Variants in GSE1 observed in about 807,000 individuals in gnomAD.
GSE1 encodes the protein Gse1 coiled-coil protein.
A neutral mutation model predicts 112.6 loss-of-function variants in GSE1; 32 were observed. That is an observed-to-expected ratio of 0.28 (90% confidence interval 0.21 to 0.38). The LOEUF (loss-of-function observed/expected upper bound fraction) is 0.38, where lower values mean the gene tolerates loss of function less well. GSE1 is among the 10% of genes least tolerant of loss of function. The pLI is 1.00. For missense variants in GSE1, 2,348 were observed against 1,699.2 expected (o/e 1.38, Z -6.71); for synonymous variants, 1,115 against 735.6 (o/e 1.52, Z -8.35).
intron 1 of GSE1, among the ~76,000 whole-genome samples, chr16:85,263,520 C>G (rs1194290719): frequency 1.3e-5 from 2 of 151,978 alleles, no homozygotes; most frequent in Non-Finnish European, 2.9e-5. Flanking sequence ...TGAATTTCTT[C>G]TACCTCGGGG....
At chr16:85,240,018 C>G (rs1351661564) in intron 1 of GSE1, among the ~76,000 whole-genome samples, 1 of 152,238 alleles carries the variant, frequency 6.6e-6, no homozygotes, top group African/African-American at 2.4e-5. Context: ...TAGAACAACC[C>G]TGGCTCAAGG....
At chr16:85,268,102 G>A (rs910224720) in intron 1 of GSE1, among the ~76,000 whole-genome samples, 16 of 152,224 alleles carry the variant, frequency 1.1e-4, no homozygotes, top group African/African-American at 3.6e-4. Flanking sequence ...ACTGCTGAGC[G>A]GTCTGCTGTG....
chr16:85,271,466 A>T (rs1216838412), intron 1 of GSE1, among the ~76,000 whole-genome samples: 1 of 152,200 alleles, frequency 6.6e-6, no homozygotes, highest in Non-Finnish European at 1.5e-5. Context: ...GGAAGTATGA[A>T]TGTGGTTCTT....
At chr16:85,236,558 GGA>G (rs1904688571) in intron 1 of GSE1, among the ~76,000 whole-genome samples, 1 of 152,166 alleles carries the variant, frequency 6.6e-6, no homozygotes, top group African/African-American at 2.4e-5. Context: ...CTCATGGTGT[GGA>G]GAGAGAACAG....
intron 1 of GSE1, among the ~76,000 whole-genome samples, chr16:85,224,763 G>A (rs1230011519): frequency 6.6e-6 from 1 of 151,962 alleles, no homozygotes; most frequent in African/African-American, 2.4e-5. Flanking sequence ...GCTGAGGTGG[G>A]CGGATCATGA....
At chr16:85,201,423 C>T (rs530323996) in intron 1 of GSE1, among the ~76,000 whole-genome samples, 9 of 151,542 alleles carry the variant, frequency 5.9e-5, no homozygotes, top group South Asian at 4.2e-4. Context: ...TTTGGGACGC[C>T]GAGGGCGGTG....
At chr16:85,335,399 G>C (rs901802121) in intron 1 of GSE1, among the ~76,000 whole-genome samples, 3 of 152,262 alleles carry the variant, frequency 2.0e-5, no homozygotes, top group Admixed American at 1.3e-4. Flanking sequence ...TAATCAGCAA[G>C]ACCTTTGATC....
At chr16:85,263,799 C>T (rs568277701) in intron 1 of GSE1, among the ~76,000 whole-genome samples, 2 of 152,336 alleles carry the variant, frequency 1.3e-5, no homozygotes, top group South Asian at 4.1e-4. Context: ...TCTGGAACTC[C>T]TGAGCTCAGG....
chr16:85,267,460 G>A (rs1408796460), intron 1 of GSE1, among the ~76,000 whole-genome samples: 2 of 152,124 alleles, frequency 1.3e-5, no homozygotes, highest in Non-Finnish European at 2.9e-5. Flanking sequence ...GGCAGTGACC[G>A]TGGGGGGTGG....
intron 2 of GSE1, among the ~76,000 whole-genome samples, chr16:85,474,529 G>T (rs917796737): frequency 7.9e-5 from 12 of 152,104 alleles, no homozygotes; most frequent in African/African-American, 2.9e-4. Context: ...TTAAACCCGG[G>T]TGCCTGTGCT....
At chr16:85,292,752 G>A (rs1379916804) in intron 1 of GSE1, among the ~76,000 whole-genome samples, 1 of 152,134 alleles carries the variant, frequency 6.6e-6, no homozygotes, top group African/African-American at 2.4e-5. Flanking sequence ...GAGCCACTGC[G>A]CCCGGCCAGA....
exon 1 of GSE1, chr16:85,169,901 G>A: frequency 1.0e-6 from 1 of 984,430 alleles, no homozygotes. Context: ...GCGGGCGCAG[G>A]CGGCCGCCGT....
intron 2 of GSE1, among the ~76,000 whole-genome samples, chr16:85,378,508 G>A (rs1393176486): frequency 6.6e-6 from 1 of 152,218 alleles, no homozygotes; most frequent in African/African-American, 2.4e-5. Context: ...GGGCCAGAGA[G>A]ACCCCAGGCT....
intron 2 of GSE1, among the ~76,000 whole-genome samples, chr16:85,396,699 T>A (rs2047974297): frequency 6.6e-6 from 1 of 152,200 alleles, no homozygotes; most frequent in Non-Finnish European, 1.5e-5. Flanking sequence ...AGGATGGATG[T>A]CCGGACGCTA....
intron 1 of GSE1, among the ~76,000 whole-genome samples, chr16:85,632,323 G>A (rs892314537): frequency 1.3e-5 from 2 of 151,958 alleles, no homozygotes; most frequent in Non-Finnish European, 2.9e-5. Flanking sequence ...GATGCCCCCC[G>A]AACTCGTTCC....
chr16:85,572,240 C>T (rs1226569848), intron 1 of GSE1, among the ~76,000 whole-genome samples: 2 of 149,118 alleles, frequency 1.3e-5, no homozygotes, highest in Non-Finnish European at 3.0e-5. Flanking sequence ...ACGTACAAAA[C>T]ACACCACACC....
In GSE1 at chr16:85,661,224, C is replaced by T; in HGVS notation, c.1719C>T (p.Pro573=). 2 of 1,609,968 alleles carry T rather than the reference C, an allele frequency of 1.2e-6. No homozygotes were observed. Among genetic ancestry groups the T allele is most frequent in the South Asian group, 1.1e-5 (1 of 90,998 alleles). ...HFGGPPPLIS[P]KPQLHAAPTA... ...GGGGGCCACCACCTCTGATTTCGCCCAAGCCCCAGCTCCATGCTGCACCCA... is the reference window on the plus strand; with the variant it reads ...GGGGGCCACCACCTCTGATTTCGCCTAAGCCCCAGCTCCATGCTGCACCCA... The change falls in exon 9 of 16, where the codon CCC becomes CCT. Residue 573 remains proline (P), a synonymous_variant. Coordinates refer to ENST00000253458, the MANE Select transcript of GSE1 (RefSeq NM_014615.5).
chr16:85,500,364 C>T (rs1401904985), intron 2 of GSE1, among the ~76,000 whole-genome samples: 1 of 152,206 alleles, frequency 6.6e-6, no homozygotes, highest in African/African-American at 2.4e-5. Flanking sequence ...CAATCAATTA[C>T]GTGTGGTCTT....
rs73265164 is a variant in GSE1, at chr16:85,495,335, G to A, written c.2464+137692G>A. 5.7e-3 allele frequency among the ~76,000 whole-genome samples: 861 copies of A among 152,212 alleles called. 15 individuals are homozygous for A. The highest frequency in any genetic ancestry group is 0.019 in the African/African-American group (805 of 41,506). On this transcript the variant is annotated intron_variant, in intron 2 of 2. Coordinates refer to the GSE1 transcript ENST00000637419. ...GAGTCCCGGCCTGTGGTTCGGTAGC[G>A]GCAGCGTGAGCCCTGCTAGGTTGCT...
Sources: allele counts gnomAD v4.1 joint callset (sites outside exome capture counted in the v4.1 genomes callset), GRCh38; gene constraint gnomAD v4.1.1; transcripts MANE v1.5; gene names NCBI Gene and HGNC (gene_info 2026-07-23, HGNC 2026-07-21).